Variants in TNRC18 observed in about 807,000 individuals in gnomAD.
TNRC18 encodes trinucleotide repeat-containing gene 18 protein.
In TNRC18, 69 loss-of-function variants were observed where a neutral mutation model predicts 226.7. The ratio of observed to expected loss-of-function variants is 0.30; its 90% CI spans 0.25 to 0.37. TNRC18 has a LOEUF of 0.37. TNRC18 is among the 10% of genes least tolerant of loss of function. The pLI, the probability that TNRC18 is intolerant of heterozygous loss-of-function variation, is 1.00. For missense variants in TNRC18, 4,754 were observed against 4,256.6 expected, an observed-to-expected ratio of 1.12 and a Z score of -3.25; for synonymous variants, 2,449 against 1,927.6, an observed-to-expected ratio of 1.27 and a Z score of -7.09.
At position 5,306,841 on chromosome 7, in the gene TNRC18, CAG is replaced by C. The variant is rs999153671; in HGVS notation, c.*1263_*1264del. The C allele has an allele frequency of 8.0e-5, 12 of 150,716 alleles. No homozygotes were observed. The highest frequency in any genetic ancestry group is 2.9e-4 in the African/African-American group (12 of 40,718). 9.3% of individuals were successfully genotyped at this position (150,716 alleles called of 1,614,324 possible). ...TTTTTTTTTATGAAAAAAGATCACACAGAATTTGCCAACAAACAAAATTCCAA... is the reference window on the plus strand; with the variant it reads ...TTTTTTTTTATGAAAAAAGATCACACAATTTGCCAACAAACAAAATTCCAA... On this transcript the variant is annotated 3_prime_UTR_variant, in exon 30 of 30. Transcript: ENST00000430969.
chr7:5,347,126 T>C (rs1013492569), intron 17 of TNRC18, among the ~76,000 whole-genome samples: 7 of 151,746 alleles, frequency 4.6e-5, no homozygotes, highest in African/African-American at 1.7e-4. Context: ...GAAGATCTCT[T>C]GAGGCTAGGA....
intron 5 of TNRC18, among the ~76,000 whole-genome samples, chr7:5,379,205 A>AG (rs1779223076): frequency 6.6e-6 from 1 of 151,712 alleles, no homozygotes; most frequent in Non-Finnish European, 1.5e-5. Flanking sequence ...CGTCAAAAAA[A>AG]AAAACAAAAA....
intron 2 of TNRC18, among the ~76,000 whole-genome samples, chr7:5,410,963 T>G (rs1406578316): frequency 6.7e-6 from 1 of 149,918 alleles, no homozygotes; most frequent in Non-Finnish European, 1.5e-5. Context: ...CCCAGCACTT[T>G]GGGAGGCCGA....
Position 5,313,378 on chromosome 7 carries a change from G to A in TNRC18, c.7513C>T (p.Pro2505Ser), listed in dbSNP as rs753919497. 1.9e-5 allele frequency: 30 copies of A among 1,586,546 alleles called. No homozygotes were observed. In the African/African-American group the frequency reaches 2.7e-4, roughly 14 times the overall value. ...GGCTCGCTGCTGCCGGCCGCGGGGG[G>A]ATAGCTGCCCAGGCTCAGGAGGCTC... ...PKSLLSLGSY[P>S]PAAGSSEPKA... The change falls in exon 27 of 30, where the codon CCC becomes TCC. Residue 2505 changes from proline to serine, a missense_variant. Coordinates refer to ENST00000430969, the MANE Select transcript of TNRC18 (RefSeq NM_001080495.3).
chr7:5,334,581 T>C (rs1011604585), intron 18 of TNRC18, among the ~76,000 whole-genome samples: 3 of 151,642 alleles, frequency 2.0e-5, no homozygotes, highest in Non-Finnish European at 2.9e-5. Flanking sequence ...ACAGGTGTGA[T>C]CATTAATCTT....
intron 18 of TNRC18, among the ~76,000 whole-genome samples, chr7:5,333,257 C>G (rs1434511862): frequency 6.6e-6 from 1 of 152,238 alleles, no homozygotes; most frequent in Non-Finnish European, 1.5e-5. Flanking sequence ...GCCGCCTCGG[C>G]TGCCCGGACG....
In TNRC18 at chr7:5,389,127, A is replaced by G; in HGVS notation, c.697T>C (p.Ser233Pro). The G allele has an allele frequency of 7.6e-7, 1 of 1,321,252 alleles. No individual in the cohort carries two copies. Among genetic ancestry groups the G allele is most frequent in the Non-Finnish European group, 9.7e-7 (1 of 1,035,224 alleles). The allele number at this position is 1,321,252 out of a possible 1,614,324, so 81.8% of individuals were successfully genotyped here. ...KDPRARGEEA[S>P]GPRGVVDLTQ... ...AGGTCCACCACGCCCCGTGGCCCCG[A>G]GGCCTCCTCGCCCCGGGCGCGCGGG... Residue 233 changes from serine (S) to proline (P), a missense_variant, in exon 5 of 30, where the codon TCG becomes CCG. Ser to Pro is a moderately conservative substitution (Grantham distance 74). Coordinates refer to ENST00000430969, the MANE Select transcript of TNRC18 (RefSeq NM_001080495.3).
chr7:5,380,579 G>C (rs6463450), intron 5 of TNRC18, among the ~76,000 whole-genome samples: 3,433 of 152,310 alleles, frequency 0.023, 76 homozygotes, highest in African/African-American at 0.062. Context: ...ACGGGGAGAA[G>C]CGTGTTGACG....
In TNRC18 at chr7:5,313,529, C is replaced by A. The variant is rs377673322; in HGVS notation, c.7362G>T (p.Pro2454=). 1 of 1,612,198 alleles carries A rather than the reference C, an allele frequency of 6.2e-7. No individual in the cohort carries two copies. The highest frequency in any genetic ancestry group is 2.2e-5 in the East Asian group (1 of 44,848). The part of the protein sequence containing the change: ...EESGAKGPRR[P]GEEAELLVKL... ...TGACAAGCAGCTCGGCCTCCTCCCCCGGCCTCCGAGGGCCCTTGGCACCCG... is the reference window on the plus strand; with the variant it reads ...TGACAAGCAGCTCGGCCTCCTCCCCAGGCCTCCGAGGGCCCTTGGCACCCG... The change falls in exon 27 of 30, where the codon CCG becomes CCT. Residue 2454 remains proline, a synonymous_variant. Transcript: ENST00000430969.
rs1221730078 is a variant in TNRC18, at chr7:5,312,584, C to T, written c.8307G>A (p.Leu2769=). 6 of 1,610,898 alleles carry T rather than the reference C, an allele frequency of 3.7e-6. No homozygotes were observed. The Admixed American group carries it at 1.0e-4, about 27-fold the overall frequency. The change falls in exon 27 of 30, where the codon CTG becomes CTA. Residue 2769 remains leucine (L), a synonymous_variant. Coordinates refer to ENST00000430969, the MANE Select transcript of TNRC18 (RefSeq NM_001080495.3). This position sits in a 1 kb window ranked among gnomAD's most constrained non-coding sequence, Gnocchi z 6.3. The part of the protein sequence containing the change: ...TTKELAKRQR[L]PSVENRPKIA... ...TCTTGGGCCGGTTCTCCACGGACGG[C>T]AGGCGCTGCCGCTTGGCCAGCTCCT... is the stretch of plus-strand genomic sequence containing the variant.
rs767310790 is a variant in TNRC18 at position 5,313,719 on chromosome 7, G to A, written c.7172C>T (p.Pro2391Leu). Residue 2391 changes from proline (P) to leucine (L), a missense_variant, in exon 27 of 30, where the codon CCG (proline) becomes CTG (leucine). By Grantham distance (98) the Pro-to-Leu change is moderately conservative. Coordinates refer to ENST00000430969, the MANE Select transcript of TNRC18 (RefSeq NM_001080495.3). ...TGCGGGACTGGGCTGCGGCGGTGCC[G>A]GGCGCGCCTTGGGGGCCTTGGCTCG... is the stretch of plus-strand genomic sequence containing the variant. Reference protein sequence around the residue: ...DKRAKAPKARPAPPQPSPAPP... With the variant: ...DKRAKAPKARLAPPQPSPAPP... 6.3e-5 allele frequency: 100 copies of A among 1,583,798 alleles called. No individual in the cohort carries two copies. Among genetic ancestry groups the A allele is most frequent in the Non-Finnish European group, 7.9e-5 (92 of 1,165,292 alleles).
intron 2 of TNRC18, among the ~76,000 whole-genome samples, chr7:5,417,151 T>C (rs565301320): frequency 6.7e-6 from 1 of 148,910 alleles, no homozygotes; most frequent in Admixed American, 6.7e-5. Context: ...TAAAACCCTG[T>C]CTCTAAAAAA....
At chr7:5,321,039 C>T (rs372270684) in intron 22 of TNRC18, 34 bp downstream of exon 22, 15 of 1,458,632 alleles carry the variant, frequency 1.0e-5, no homozygotes, top group African/African-American at 9.8e-5. Context: ...GTATGGGACA[C>T]GGGGCTCTGT....
At position 5,308,308 on chromosome 7, in the gene TNRC18, G is replaced by A. The variant is rs1786772546; in HGVS notation, c.8705C>T (p.Ala2902Val). 2.5e-6 allele frequency: 4 copies of A among 1,610,862 alleles called. No individual in the cohort carries two copies. The highest frequency in any genetic ancestry group is 3.4e-6 in the Non-Finnish European group (4 of 1,178,596). ...SSQRKDFMER[A>V]LYQSSHVDEN... ...GTCCACATGCGAGGACTGGTATAGC[G>A]CGCGCTGCGGGCACGCGGGGATATC... is the stretch of plus-strand genomic sequence containing the variant. Residue 2902 changes from alanine (A) to valine (V), a missense_variant, in exon 30 of 30, where the codon GCG becomes GTG. By Grantham distance (64) the Ala-to-Val change is moderately conservative. Transcript: ENST00000430969.
intron 2 of TNRC18, among the ~76,000 whole-genome samples, chr7:5,415,385 T>C (rs1782116957): frequency 7.0e-6 from 1 of 142,724 alleles, no homozygotes; most frequent in South Asian, 2.3e-4. Context: ...TTTTTTTTTT[T>C]TTTTTTTTTG....
At position 5,376,170 on chromosome 7, in the gene TNRC18, G is replaced by A. The variant is rs374580663; in HGVS notation, c.2663C>T (p.Pro888Leu). 101 of 1,572,482 alleles carry A rather than the reference G, an allele frequency of 6.4e-5. No homozygotes were observed. Among genetic ancestry groups the A allele is most frequent in the Non-Finnish European group, 7.8e-5 (90 of 1,160,058 alleles). Residue 888 changes from proline (P) to leucine (L), a missense_variant, in exon 9 of 30, where the codon CCG (proline) becomes CTG (leucine). Pro to Leu is a moderately conservative substitution (Grantham distance 98, BLOSUM62 -3). Coordinates refer to ENST00000430969, the MANE Select transcript of TNRC18 (RefSeq NM_001080495.3). ...GGCGTGGTGCAGGGGGCTGCGGCCCGGCGGGTACAGGGCGGGCCAGAGGGG... is the reference window on the plus strand; with the variant it reads ...GGCGTGGTGCAGGGGGCTGCGGCCCAGCGGGTACAGGGCGGGCCAGAGGGG... ...VPPLWPALYP[P>L]GRSPLHHAQQ... is the part of the protein sequence containing the mutation.
rs958451801 is a variant in TNRC18, at chr7:5,324,160, C to A, written c.6442+54G>T. The A allele has an allele frequency of 1.6e-5, 25 of 1,533,948 alleles. No individual in the cohort carries two copies. In the Admixed American group the frequency reaches 3.1e-4, roughly 19 times the overall value. On this transcript the variant is annotated intron_variant, in intron 21 of 29. Transcript: ENST00000430969. The surrounding 1 kb of genome is among the most constrained non-coding windows in gnomAD (Gnocchi z 4.8). ...CAAGCCTTGCTCAGATCTGCCTCCC[C>A]CAAGGGAGGCTCCAGCAGCCCCGCC...
At chr7:5,392,933 G>C (rs1481193513) in intron 3 of TNRC18, among the ~76,000 whole-genome samples, 1 of 152,048 alleles carries the variant, frequency 6.6e-6, no homozygotes, top group Non-Finnish European at 1.5e-5. Flanking sequence ...AATGGCTTGA[G>C]CCTGGGAGGC....
chr7:5,356,115 G>A lies in TNRC18; in HGVS notation c.5194+801C>T, dbSNP rs538356413. On this transcript the variant is annotated intron_variant, in intron 16 of 29. Coordinates refer to ENST00000430969, the MANE Select transcript of TNRC18 (RefSeq NM_001080495.3). Reference sequence around the variant, plus strand: ...GGAGCTAGAAGTTGCAGTGAGCCAAGATCGCACCACTGCACTCCAGCCTGG... The same window carrying A: ...GGAGCTAGAAGTTGCAGTGAGCCAAAATCGCACCACTGCACTCCAGCCTGG... Among the ~76,000 whole-genome samples the A allele has an allele frequency of 2.2e-3, 332 of 148,900 alleles. 2 individuals carry two copies. The highest frequency in any genetic ancestry group is 7.7e-3 in the African/African-American group (311 of 40,346).
Sources: allele counts gnomAD v4.1 joint callset (sites outside exome capture counted in the v4.1 genomes callset), GRCh38; gene constraint gnomAD v4.1.1; non-coding constraint Gnocchi (gnomAD v3.1); transcripts MANE v1.5; gene names NCBI Gene and HGNC (gene_info 2026-07-23, HGNC 2026-07-21).